Variants in ITM2A observed in about 807,000 individuals in gnomAD.
ITM2A encodes integral membrane protein 2A, also known as BRICHOS domain containing 2A.
In ITM2A, 11 loss-of-function variants were observed where a neutral mutation model predicts 16.6. That is an observed-to-expected ratio of 0.66 (90% CI 0.42 to 1.10). The LOEUF (loss-of-function observed/expected upper bound fraction) is 1.10. Ranked by LOEUF, ITM2A falls within the 50% of genes least tolerant of loss-of-function variation. The probability of loss-of-function intolerance (pLI) is 0.00; values close to 1 mark genes in which losing one functional copy is unlikely to be tolerated. For synonymous variants in ITM2A, 102 were observed against 71.2 expected, an observed-to-expected ratio of 1.43 and a Z score of -2.18; for missense variants, 243 against 206.8, an observed-to-expected ratio of 1.17 and a Z score of -1.07.
chrX:79,365,665 GAAA>G (rs11423549), intron 1 of ITM2A, among the ~76,000 whole-genome samples: 1 of 98,459 alleles, frequency 1.0e-5, no homozygotes, highest in African/African-American at 3.7e-5. Context: ...TGGCGGTGAA[GAAA>G]AAAAAAAAAA....
intron 1 of ITM2A, chrX:79,366,867 G>T: frequency 2.8e-6 from 1 of 361,956 alleles, no homozygotes; most frequent in Non-Finnish European, 4.8e-6. Context: ...CTCCCTCCAG[G>T]ACAGCTGGTG....
At chrX:79,365,948 C>T (rs1170648361) in intron 1 of ITM2A, among the ~76,000 whole-genome samples, 1 of 112,200 alleles carries the variant, frequency 8.9e-6, no homozygotes, top group Non-Finnish European at 1.9e-5. Flanking sequence ...TGTGTACAAT[C>T]AACTTTTACT....
Position 79,367,178 on chromosome X carries a change from T to C in ITM2A, c.38A>G (p.Gln13Arg). Residue 13 changes from glutamine to arginine, a missense_variant, in exon 1 of 6, where the codon CAA becomes CGA. Coordinates refer to ENST00000373298, the MANE Select transcript of ITM2A (RefSeq NM_004867.5). ...KIAFNTPTAV[Q>R]KEEARQDVEA... ...CACGTCTTGCCGCGCCTCCTCCTTT[T>C]GCACGGCGGTAGGGGTATTGAAGGC... is the stretch of plus-strand genomic sequence containing the variant. 8.3e-7 allele frequency: 1 copy of C among 1,209,249 alleles called. No individual in the cohort carries two copies. Among genetic ancestry groups the C allele is most frequent in the Non-Finnish European group, 1.1e-6 (1 of 894,156 alleles).
In ITM2A at chrX:79,361,177, C is replaced by T; in HGVS notation, c.704G>A (p.Gly235Asp). 8.4e-7 allele frequency: 1 copy of T among 1,189,033 alleles called. No homozygotes were observed. Among genetic ancestry groups the T allele is most frequent in the Non-Finnish European group, 1.1e-6 (1 of 878,940 alleles). ...TTTATCAATGGCACGTTTGTTGAAA[C>T]CTGTAAGGAAATGTGCAAAAAAAGT... is the stretch of plus-strand genomic sequence containing the variant. Reference protein sequence around the residue: ...FRLRRRDLLLGFNKRAIDKCW... With the variant: ...FRLRRRDLLLDFNKRAIDKCW... The change falls in exon 6 of 6, where the codon GGT becomes GAT. Residue 235 changes from glycine to aspartate, a missense_variant and splice_region_variant. By Grantham distance (94) the Gly-to-Asp change is moderately conservative. Transcript: ENST00000373298.
chrX:79,361,407 T>G lies in ITM2A; in HGVS notation c.625A>C (p.Ser209Arg), dbSNP rs760227415. ...LVAVEEIRDV[S>R]NLGIFIYQLC... ...TGGTAAATAAAGATGCCAAGGTTAC[T>G]AACATCACGAATTTCCTCCACAGCA... The change falls in exon 5 of 6, where the codon AGT becomes CGT. Residue 209 changes from serine (S) to arginine (R), a missense_variant. Transcript: ENST00000373298. The G allele has an allele frequency of 8.3e-7, 1 of 1,206,874 alleles. No homozygotes were observed. The highest frequency in any genetic ancestry group is 1.8e-5 in the South Asian group (1 of 56,874).
intron 1 of ITM2A, 66 bp from the exon 2 acceptor site, chrX:79,363,620 G>C: frequency 3.6e-6 from 3 of 834,617 alleles, no homozygotes; most frequent in Non-Finnish European, 4.9e-6. Context: ...AGTTGATTTT[G>C]TGTACAATTT....
intron 4 of ITM2A, 136 bp downstream of exon 4, chrX:79,362,445 G>T (rs1925450335): frequency 2.4e-6 from 1 of 413,476 alleles, no homozygotes; most frequent in Non-Finnish European, 4.2e-6. Context: ...GCAGTTTTAG[G>T]TTCACAACGT....
chrX:79,362,818 A>G, intron 3 of ITM2A, 124 bp downstream of exon 3: 1 of 684,393 alleles, frequency 1.5e-6, no homozygotes, highest in South Asian at 2.7e-5. Flanking sequence ...ACAACAAAAG[A>G]ATGAAAAGGC....
chrX:79,361,034 G>A lies in ITM2A; in HGVS notation c.*55C>T. The A allele has an allele frequency of 1.4e-6, 1 of 700,236 alleles. No homozygotes were observed. 57.7% of individuals were successfully genotyped at this position (700,236 alleles called of 1,213,427 possible). ...GTATCCCATAAACCTTAATGTTAAA[G>A]TCATATTGTAAATCTCTGACTTCTT... On this transcript the variant is annotated 3_prime_UTR_variant, in exon 6 of 6. Coordinates refer to ENST00000373298, the MANE Select transcript of ITM2A (RefSeq NM_004867.5).
intron 4 of ITM2A, among the ~76,000 whole-genome samples, chrX:79,362,258 G>T (rs1166652059): frequency 9.0e-6 from 1 of 111,058 alleles, no homozygotes; most frequent in Non-Finnish European, 1.9e-5. Flanking sequence ...TTGTGATTTT[G>T]ATTTGCATTT....
Position 79,367,256 on chromosome X carries a change from A to G in ITM2A, c.-41T>C. 1 of 974,940 alleles carries G rather than the reference A, an allele frequency of 1.0e-6. No individual in the cohort carries two copies. Among genetic ancestry groups the G allele is most frequent in the Non-Finnish European group, 1.4e-6 (1 of 692,729 alleles). 80.3% of individuals were successfully genotyped at this position (974,940 alleles called of 1,213,427 possible). A position where few individuals can be genotyped will look rare whatever the true frequency, so the allele number is the denominator to read the frequency against. ...TGCGCGGTAAGGCGCTGCTGGAATC[A>G]GCGTCCTGGGCTGCAGACTGCAAGA... On this transcript the variant is annotated 5_prime_UTR_variant, in exon 1 of 6. Coordinates refer to ENST00000373298, the MANE Select transcript of ITM2A (RefSeq NM_004867.5).
chrX:79,361,943 A>C (rs755220550), intron 4 of ITM2A, among the ~76,000 whole-genome samples: 1 of 108,327 alleles, frequency 9.2e-6, no homozygotes, highest in South Asian at 4.1e-4. Flanking sequence ...ATTGATGGAC[A>C]TTTAGGCTGA....
Position 79,363,288 on chromosome X carries a change from A to C in ITM2A, c.243+135T>G, listed in dbSNP as rs1925488925. The C allele has an allele frequency of 4.0e-6, 3 of 747,879 alleles. No individual in the cohort carries two copies. In the East Asian group the frequency reaches 1.0e-4, roughly 26 times the overall value. 61.6% of individuals were successfully genotyped at this position (747,879 alleles called of 1,213,427 possible). On this transcript the variant is annotated intron_variant, in intron 2 of 5. Transcript: ENST00000373298. ...ATCACAATGAAGACAAATCAATTTT[A>C]TGAACTGAAAGGCAACTTGAAAACT...
In ITM2A at chrX:79,363,570, C is replaced by T. The variant is rs377004208; in HGVS notation, c.112-16G>A. 3.2e-5 allele frequency: 37 copies of T among 1,150,326 alleles called. No individual in the cohort carries two copies. The highest frequency in any genetic ancestry group is 4.1e-5 in the Non-Finnish European group (35 of 863,543). The allele number at this position is 1,150,326 out of a possible 1,213,427, so 94.8% of individuals were successfully genotyped here. A position where few individuals can be genotyped will look rare whatever the true frequency, so the allele number is the denominator to read the frequency against. On this transcript the variant is annotated splice_polypyrimidine_tract_variant and intron_variant, in intron 1 of 5. Transcript: ENST00000373298. The stretch of plus-strand genomic sequence containing the variant: ...CTCGGAGCTCCTATTTATTAAAAAG[C>T]AAAACCAAAAACAAAACCAGATTGT...
In ITM2A at chrX:79,363,434, A is replaced by G; in HGVS notation, c.232T>C (p.Phe78Leu). ...ATTATTATTATTACCTTGGGCATGA[A>G]GTACTTGTAAATGCAGGCTCCACCA... ...IVGGACIYKY[F>L]MPKSTIYRGE... Residue 78 changes from phenylalanine (F) to leucine (L), a missense_variant, in exon 2 of 6, where the codon TTC becomes CTC. Physicochemically the swap from Phe to Leu is conservative, Grantham distance 22. Coordinates refer to ENST00000373298, the MANE Select transcript of ITM2A (RefSeq NM_004867.5). 8.8e-7 allele frequency: 1 copy of G among 1,142,048 alleles called. No individual in the cohort carries two copies. The highest frequency in any genetic ancestry group is 3.1e-5 in the East Asian group (1 of 32,590). 94.1% of individuals were successfully genotyped at this position (1,142,048 alleles called of 1,213,427 possible).
intron 3 of ITM2A, 83 bp from the exon 4 acceptor site, chrX:79,362,774 C>T (rs1925466794): frequency 1.3e-6 from 1 of 742,396 alleles, no homozygotes; most frequent in Non-Finnish European, 2.0e-6. Flanking sequence ...GATTAAGCGG[C>T]TACATCCTTT....
At chrX:79,361,986 A>C (rs779232854) in intron 4 of ITM2A, among the ~76,000 whole-genome samples, 1 of 109,961 alleles carries the variant, frequency 9.1e-6, no homozygotes, top group African/African-American at 3.3e-5. Flanking sequence ...ATATTGCTGC[A>C]ATGAACATAC....
chrX:79,363,160 A>T (rs770788075), intron 2 of ITM2A, 21 bp from the exon 3 acceptor site: 43 of 1,118,460 alleles, frequency 3.8e-5, no homozygotes, highest in Non-Finnish European at 3.4e-5. Flanking sequence ...AAAAGGGAAA[A>T]TTACAACCTT....
intron 5 of ITM2A, 38 bp downstream of exon 5, chrX:79,361,291 T>C (rs1213645600): frequency 8.5e-7 from 1 of 1,170,457 alleles, no homozygotes; most frequent in Admixed American, 2.2e-5. Flanking sequence ...TTCCACTGTG[T>C]AACACAGGGT....
Sources: gnomAD v4.1 joint callset for allele counts (sites outside exome capture counted in the v4.1 genomes callset) on GRCh38, gnomAD v4.1.1 for gene constraint, MANE v1.5 for transcripts, NCBI Gene and HGNC (gene_info 2026-07-23, HGNC 2026-07-21) for gene names.